SLC22A31: variants seen among roughly 807,000 people sequenced by gnomAD.
SLC22A31 encodes putative solute carrier family 22 member 31.
In SLC22A31, 42 loss-of-function variants were observed where a neutral mutation model predicts 27.4. That is an observed-to-expected ratio of 1.53 (90% confidence interval 1.20 to 1.98). SLC22A31 has a LOEUF of 1.98. SLC22A31 is among the 30% of genes most tolerant of loss of function. The probability of loss-of-function intolerance (pLI) is 0.00; values close to 1 mark genes in which losing one functional copy is unlikely to be tolerated. For missense variants in SLC22A31, 593 were observed against 479.9 expected, an observed-to-expected ratio of 1.24 and a Z score of -2.20; for synonymous variants, 290 against 230.8, an observed-to-expected ratio of 1.26 and a Z score of -2.33.
chr16:89,200,457 G>C (rs939457375), intron 1 of SLC22A31, 21 bp downstream of exon 1: 4 of 152,448 alleles, frequency 2.6e-5, no homozygotes, highest in African/African-American at 9.6e-5. Context: ...CTATGCCCGA[G>C]ATTTTACTTT....
At chr16:89,198,867 C>T (rs1188890841) in intron 4 of SLC22A31, 70 bp from the exon 5 acceptor site, 2 of 1,494,454 alleles carry the variant, frequency 1.3e-6, no homozygotes, top group Non-Finnish European at 1.8e-6. Flanking sequence ...AGGCCAGGGC[C>T]CCCACCCCAC....
At chr16:89,197,227 G>A (rs957604248) in intron 8 of SLC22A31, 71 bp downstream of exon 8, 3 of 1,238,534 alleles carry the variant, frequency 2.4e-6, no homozygotes, top group East Asian at 2.5e-5. Flanking sequence ...AGGGCCTCCT[G>A]TCCACCTGGC....
Position 89,196,166 on chromosome 16 carries a change from C to A in SLC22A31, c.1174G>T (p.Val392Phe). The A allele has an allele frequency of 6.5e-7, 1 of 1,535,124 alleles. No individual in the cohort carries two copies. The highest frequency in any genetic ancestry group is 8.7e-7 in the Non-Finnish European group (1 of 1,146,454). ...ASLAVLALLC[V>F]LLLPESRSRG... ...CTTCGGCTCTCAGGCAGCAGCAGGA[C>A]ACACAGCAGGGCAAGGACAGCAAGG... The change falls in exon 9 of 9, where the codon GTC (valine) becomes TTC (phenylalanine). Residue 392 changes from valine to phenylalanine, a missense_variant. Transcript: ENST00000682282.
chr16:89,200,953 C>G (rs777342604), upstream of SLC22A31, among the ~76,000 whole-genome samples: 14 of 152,334 alleles, frequency 9.2e-5, no homozygotes, highest in Non-Finnish European at 1.6e-4. Context: ...GCTGGTGGTC[C>G]TGAAGCAAAT....
intron 8 of SLC22A31, 87 bp downstream of exon 8, chr16:89,197,211 G>C (rs1262730359): frequency 9.7e-6 from 10 of 1,029,584 alleles, no homozygotes; most frequent in Non-Finnish European, 1.4e-5. Flanking sequence ...GGTGGGGTAT[G>C]GGGACAGGGC....
At position 89,198,528 on chromosome 16, in the gene SLC22A31, C is replaced by T. The variant is rs1338461470; in HGVS notation, c.621G>A (p.Arg207=). ...LATELTMLSA[R]SPQPRYHSPL... ...GGGAGTGGTACCGGGGCTGGGGGCT[C>T]CGTGCAGACAGCATGGTCAGCTCTG... is the stretch of plus-strand genomic sequence containing the variant. The change falls in exon 6 of 9, where the codon CGG becomes CGA. Residue 207 remains arginine, a synonymous_variant. Transcript: ENST00000682282. The T allele has an allele frequency of 6.6e-7, 1 of 1,508,346 alleles. No homozygotes were observed. The allele number at this position is 1,508,346 out of a possible 1,614,324, so 93.4% of individuals were successfully genotyped here.
chr16:89,197,175 A>T (rs1023864288), intron 8 of SLC22A31, 123 bp downstream of exon 8: 3 of 692,738 alleles, frequency 4.3e-6, no homozygotes, highest in Non-Finnish European at 7.2e-6. Flanking sequence ...TCCTTACTGG[A>T]TGGAGGAATC....
intron 1 of SLC22A31, 84 bp from the exon 2 acceptor site, chr16:89,199,900 A>G (rs1916384178): frequency 7.5e-6 from 3 of 400,528 alleles, no homozygotes; most frequent in Non-Finnish European, 1.3e-5. Flanking sequence ...TGGCTACTGG[A>G]AGGGGCCCTC....
chr16:89,197,480 C>G, intron 7 of SLC22A31, 71 bp from the exon 8 acceptor site: 1 of 1,099,854 alleles, frequency 9.1e-7, no homozygotes. Flanking sequence ...AGGGCCCTTC[C>G]CCAGAGAACC....
At position 89,195,930 on chromosome 16, in the gene SLC22A31, T is replaced by C. The variant is rs1295696331; in HGVS notation, c.*69A>G. The C allele has an allele frequency of 7.1e-7, 1 of 1,416,612 alleles. No individual in the cohort carries two copies. Among genetic ancestry groups the C allele is most frequent in the African/African-American group, 1.4e-5 (1 of 69,092 alleles). 87.8% of individuals were successfully genotyped at this position (1,416,612 alleles called of 1,614,324 possible). On this transcript the variant is annotated 3_prime_UTR_variant, in exon 9 of 9. Coordinates refer to ENST00000682282, the MANE Select transcript of SLC22A31 (RefSeq NM_001384763.1). ...ATGTGTCTGCCCTGGACCAGACGTC[T>C]GGGGTACTCAGCCATGCCCCAGGCC...
At position 89,198,636 on chromosome 16, in the gene SLC22A31, C is replaced by T; in HGVS notation, c.598+16G>A. 1 of 1,532,878 alleles carries T rather than the reference C, an allele frequency of 6.5e-7. No individual in the cohort carries two copies. The highest frequency in any genetic ancestry group is 2.0e-5 in the Admixed American group (1 of 50,912). 95.0% of individuals were successfully genotyped at this position (1,532,878 alleles called of 1,614,324 possible). On this transcript the variant is annotated intron_variant, in intron 5 of 8. Transcript: ENST00000682282. ...TCCAGTACCTGAATCTCCCTCCTCCCTGGTAGGCGCCTGACCTGTAGCCAG... is the reference window on the plus strand; with the variant it reads ...TCCAGTACCTGAATCTCCCTCCTCCTTGGTAGGCGCCTGACCTGTAGCCAG...
intron 8 of SLC22A31, among the ~76,000 whole-genome samples, chr16:89,196,944 CAAA>C (rs557294357): frequency 5.2e-5 from 6 of 115,718 alleles, no homozygotes; most frequent in Non-Finnish European, 1.8e-5. Context: ...GACTCCATCT[CAAA>C]AAAAAAAAAA....
At chr16:89,197,201 G>A in intron 8 of SLC22A31, 97 bp downstream of exon 8, 4 of 878,162 alleles carry the variant, frequency 4.6e-6, no homozygotes. Context: ...CAGGAACCTG[G>A]GTGGGGTATG....
chr16:89,199,267 T>C, intron 3 of SLC22A31, 76 bp from the exon 4 acceptor site: 1 of 1,386,334 alleles, frequency 7.2e-7, no homozygotes, highest in Non-Finnish European at 9.6e-7. Context: ...TGCGGGGACC[T>C]ATTGGTGACC....
rs945149093 is a variant in SLC22A31 at position 89,199,259 on chromosome 16, C to A, written c.284-68G>T. The stretch of plus-strand genomic sequence containing the variant: ...ACTGGAACAGTTCCATTGGGAACTG[C>A]GGGGACCTATTGGTGACCTGCCCAG... On this transcript the variant is annotated intron_variant, in intron 3 of 8. Transcript: ENST00000682282. 5 of 1,406,960 alleles carry A rather than the reference C, an allele frequency of 3.6e-6. No individual in the cohort carries two copies. In the African/African-American group the frequency reaches 5.8e-5, roughly 16 times the overall value. 87.2% of individuals were successfully genotyped at this position (1,406,960 alleles called of 1,614,324 possible). A position where few individuals can be genotyped will look rare whatever the true frequency, so the allele number is the denominator to read the frequency against.
rs1289448538 is a variant in SLC22A31 at position 89,197,316 on chromosome 16, A to C, written c.1016T>G (p.Val339Gly). The C allele has an allele frequency of 1.3e-6, 2 of 1,535,580 alleles. No homozygotes were observed. The highest frequency in any genetic ancestry group is 1.7e-6 in the Non-Finnish European group (2 of 1,146,752). Residue 339 changes from valine to glycine, a missense_variant, in exon 8 of 9, where the codon GTC (valine) becomes GGC (glycine). By Grantham distance (109) the Val-to-Gly change is moderately radical. Transcript: ENST00000682282. ...AGCTCACCTGATCACCGTGGGGAAG[A>C]CCTCGGCCGCGAAGAGGCTGCTGAG... The part of the protein sequence containing the change: ...SALSSLFAAE[V>G]FPTVIRGAGL...
In SLC22A31 at chr16:89,196,029, G is replaced by T. The variant is rs1225264278; in HGVS notation, c.1311C>A (p.Tyr437Ter). The T allele has an allele frequency of 6.6e-7, 1 of 1,524,970 alleles. No homozygotes were observed. The highest frequency in any genetic ancestry group is 1.2e-5 in the South Asian group (1 of 82,646). 94.5% of individuals were successfully genotyped at this position (1,524,970 alleles called of 1,614,324 possible). A position where few individuals can be genotyped will look rare whatever the true frequency, so the allele number is the denominator to read the frequency against. ...GCTGCTCGGGGGTGTGGCCGGCCCA[G>T]TAGGAGTTGGAGGGCGGCAGCAGAG... ...HLPLLPPSNS[Y>*]WAGHTPEQH Residue 437 changes from tyrosine (Y) to a stop codon, truncating the protein, a stop_gained, in exon 9 of 9, where the codon TAC (tyrosine) becomes TAA (stop). Transcript: ENST00000682282. LOFTEE classifies it low-confidence loss of function (END_TRUNC).
At chr16:89,201,089 G>A (rs1489693220), upstream of SLC22A31, 1 of 372,790 alleles carries the variant, frequency 2.7e-6, no homozygotes, top group Non-Finnish European at 4.8e-6. Context: ...GGTCCGGCCC[G>A]TGCGCGCCCG....
chr16:89,195,787 C>A lies in SLC22A31; in HGVS notation c.*212G>T. 2 of 521,628 alleles carry A rather than the reference C, an allele frequency of 3.8e-6. No individual in the cohort carries two copies. The highest frequency in any genetic ancestry group is 6.6e-6 in the Non-Finnish European group (2 of 303,682). 32.3% of individuals were successfully genotyped at this position (521,628 alleles called of 1,614,324 possible). On this transcript the variant is annotated 3_prime_UTR_variant, in exon 9 of 9. Transcript: ENST00000682282. ...TCCACAGAAGCCTTTATCCTCCACACCTACTGGGTGTGGCTGGGGGGAGAC... is the reference window on the plus strand; with the variant it reads ...TCCACAGAAGCCTTTATCCTCCACAACTACTGGGTGTGGCTGGGGGGAGAC...
Sources: gnomAD v4.1 joint callset for allele counts (sites outside exome capture counted in the v4.1 genomes callset) on GRCh38, gnomAD v4.1.1 for gene constraint, MANE v1.5 for transcripts, NCBI Gene and HGNC (gene_info 2026-07-23, HGNC 2026-07-21) for gene names.